The following ADGRB3 variants were observed in gnomAD, a reference collection of about 807,000 sequenced individuals.
The protein encoded by ADGRB3 is brain-specific angiogenesis inhibitor 3.
ADGRB3 carries 37 observed loss-of-function variants against 193.4 expected under a neutral mutation model. The ratio of observed to expected loss-of-function variants is 0.19; its 90% CI spans 0.15 to 0.25. ADGRB3 has a LOEUF of 0.25. Among genes scored for constraint, ADGRB3 ranks in the 10% least tolerant of loss-of-function variants. The pLI is 1.00. For synonymous variants in ADGRB3, 690 were observed against 644.2 expected, an observed-to-expected ratio of 1.07 and a Z score of -1.08; for missense variants, 1,637 against 1,852.9, an observed-to-expected ratio of 0.88 and a Z score of 2.14.
intron 10 of ADGRB3, among the ~76,000 whole-genome samples, chr6:68,983,167 A>T (rs1768975870): frequency 6.6e-6 from 1 of 152,134 alleles, no homozygotes; most frequent in African/African-American, 2.4e-5. Context: ...TTCCCTTGGA[A>T]ATTTTAAGGA....
At chr6:68,917,502 T>C (rs548385240) in intron 3 of ADGRB3, among the ~76,000 whole-genome samples, 1 of 152,316 alleles carries the variant, frequency 6.6e-6, no homozygotes, top group East Asian at 1.9e-4. Context: ...CCTGAAGTTT[T>C]CTTGTTTCAA....
intron 20 of ADGRB3, among the ~76,000 whole-genome samples, chr6:69,285,152 TAGTTC>T (rs955146557): frequency 3.3e-5 from 5 of 152,166 alleles, no homozygotes; most frequent in African/African-American, 1.2e-4. Context: ...ACAGTAGTAA[TAGTTC>T]CAATGATCAA....
At chr6:68,702,829 C>T (rs935018476) in intron 3 of ADGRB3, among the ~76,000 whole-genome samples, 1 of 151,978 alleles carries the variant, frequency 6.6e-6, no homozygotes, top group Non-Finnish European at 1.5e-5. Context: ...CTGATCAGAC[C>T]CTGGCTGATA....
chr6:69,080,638 C>G (rs1319381727), intron 17 of ADGRB3, among the ~76,000 whole-genome samples: 7 of 149,998 alleles, frequency 4.7e-5, no homozygotes, highest in Non-Finnish European at 1.0e-4. Flanking sequence ...CTAATTGAAG[C>G]CTTTTCGTGA....
intron 3 of ADGRB3, among the ~76,000 whole-genome samples, chr6:68,883,915 A>G (rs1426194146): frequency 6.6e-6 from 1 of 152,222 alleles, no homozygotes; most frequent in Admixed American, 6.5e-5. Context: ...TGGAATTAAT[A>G]AGGCTTGAAC....
chr6:68,944,065 A>C, intron 6 of ADGRB3, 71 bp downstream of exon 6: 1 of 1,458,808 alleles, frequency 6.9e-7, no homozygotes, highest in Middle Eastern at 1.8e-4. Flanking sequence ...TACACAAGAA[A>C]TATTAAGAGT....
At chr6:69,107,972 A>T (rs1326597351) in intron 17 of ADGRB3, among the ~76,000 whole-genome samples, 1 of 151,980 alleles carries the variant, frequency 6.6e-6, no homozygotes, top group Non-Finnish European at 1.5e-5. Context: ...TTCATACCCC[A>T]AACCTCAGTA....
At chr6:69,088,447 A>G (rs890401029) in intron 17 of ADGRB3, among the ~76,000 whole-genome samples, 1 of 152,172 alleles carries the variant, frequency 6.6e-6, no homozygotes, top group African/African-American at 2.4e-5. Context: ...ATCTCAGCTC[A>G]CTACAACTTC....
chr6:68,715,780 C>T (rs1472986268), intron 3 of ADGRB3, among the ~76,000 whole-genome samples: 2 of 151,578 alleles, frequency 1.3e-5, no homozygotes, highest in African/African-American at 4.8e-5. Flanking sequence ...CCATCGGCTA[C>T]AATTAACAGA....
chr6:68,988,928 C>T (rs1387628880), intron 10 of ADGRB3, among the ~76,000 whole-genome samples: 1 of 152,060 alleles, frequency 6.6e-6, no homozygotes, highest in Non-Finnish European at 1.5e-5. Context: ...AATGGAAACT[C>T]CTAGTCTGAA....
At chr6:68,657,057 T>C (rs1354764057) in intron 3 of ADGRB3, among the ~76,000 whole-genome samples, 2 of 151,532 alleles carry the variant, frequency 1.3e-5, no homozygotes, top group African/African-American at 4.8e-5. Flanking sequence ...CCAGTTTTAC[T>C]CATCTGTAGA....
chr6:68,933,478 A>G (rs557521057), intron 4 of ADGRB3, among the ~76,000 whole-genome samples: 26 of 152,292 alleles, frequency 1.7e-4, no homozygotes, highest in African/African-American at 6.3e-4. Context: ...CTGTAATCTC[A>G]GCTACTCAGG....
At chr6:69,151,549 A>G (rs1774679270) in intron 17 of ADGRB3, among the ~76,000 whole-genome samples, 2 of 152,118 alleles carry the variant, frequency 1.3e-5, no homozygotes, top group African/African-American at 4.8e-5. Flanking sequence ...TGAAGTTAAA[A>G]CCAGGCACTG....
intron 12 of ADGRB3, among the ~76,000 whole-genome samples, chr6:69,018,117 A>G (rs926906641): frequency 3.3e-5 from 5 of 151,998 alleles, no homozygotes; most frequent in African/African-American, 9.6e-5. Flanking sequence ...AAAGTCGTCT[A>G]TTTTTTGAGG....
chr6:69,016,593 A>G (rs1770099421), intron 12 of ADGRB3, among the ~76,000 whole-genome samples: 1 of 151,976 alleles, frequency 6.6e-6, no homozygotes, highest in South Asian at 2.1e-4. Context: ...TGCCACTTGA[A>G]GCAAAATTCA....
At chr6:69,161,319 G>A (rs967856235) in intron 17 of ADGRB3, among the ~76,000 whole-genome samples, 1 of 152,054 alleles carries the variant, frequency 6.6e-6, no homozygotes, top group African/African-American at 2.4e-5. Flanking sequence ...GGTTGGAATG[G>A]AGAATGCTTA....
At chr6:68,668,373 A>G (rs1768851277) in intron 3 of ADGRB3, among the ~76,000 whole-genome samples, 3 of 152,034 alleles carry the variant, frequency 2.0e-5, no homozygotes, top group African/African-American at 4.8e-5. Context: ...CAAAATTGAC[A>G]GCACAGGAAT....
chr6:69,170,200 A>G (rs796291355), intron 17 of ADGRB3, among the ~76,000 whole-genome samples: 6 of 152,264 alleles, frequency 3.9e-5, no homozygotes, highest in African/African-American at 1.2e-4. Context: ...AATTTTTATA[A>G]TAAGGCCAAG....
chr6:68,984,213 T>C (rs953755469), intron 10 of ADGRB3, among the ~76,000 whole-genome samples: 1 of 152,140 alleles, frequency 6.6e-6, no homozygotes, highest in Non-Finnish European at 1.5e-5. Flanking sequence ...CTATGGAGGA[T>C]AGACCATAGG....
Sources: gnomAD v4.1 joint callset for allele counts (sites outside exome capture counted in the v4.1 genomes callset) on GRCh38, gnomAD v4.1.1 for gene constraint, MANE v1.5 for transcripts, NCBI Gene and HGNC (gene_info 2026-07-23, HGNC 2026-07-21) for gene names.